MORC1: variants seen among roughly 807,000 people sequenced by gnomAD.
MORC1 encodes MORC family CW-type zinc finger 1.
A neutral mutation model predicts 134.9 loss-of-function variants in MORC1; 59 were observed. That is an observed-to-expected ratio of 0.44 (90% confidence interval 0.35 to 0.54). The LOEUF is 0.54. Ranked by LOEUF, MORC1 falls within the 20% of genes least tolerant of loss-of-function variation. MORC1 has a pLI of 0.00. For missense variants in MORC1, 947 were observed against 1,134.5 expected (o/e 0.83, Z 2.37); for synonymous variants, 395 against 391.7 (o/e 1.01, Z -0.10).
At chr3:109,076,354 T>C (rs773350024) in intron 8 of MORC1, among the ~76,000 whole-genome samples, 7 of 152,034 alleles carry the variant, frequency 4.6e-5, no homozygotes, top group Non-Finnish European at 8.8e-5. Flanking sequence ...TGGGGAGAAA[T>C]AGGAACACTT....
At chr3:108,982,071 C>A (rs72935337) in intron 23 of MORC1, among the ~76,000 whole-genome samples, 1,905 of 152,214 alleles carry the variant, frequency 0.013, 37 homozygotes, top group African/African-American at 0.042. Flanking sequence ...AAATAAACAA[C>A]CCCATCAAAA....
Position 108,963,470 on chromosome 3 carries a change from C to T in MORC1, c.2743G>A (p.Asp915Asn), listed in dbSNP as rs1173188517. 3 of 1,611,952 alleles carry T rather than the reference C, an allele frequency of 1.9e-6. No homozygotes were observed. The highest frequency in any genetic ancestry group is 2.5e-6 in the Non-Finnish European group (3 of 1,179,606). Residue 915 changes from aspartate (D) to asparagine (N), a missense_variant, in exon 27 of 28, where the codon GAT becomes AAT. Physicochemically the swap from Asp to Asn is conservative, Grantham distance 23. This residue lies in a region of MORC1 where 722 missense variants were observed against 817.0 expected (regional missense o/e 0.88). Transcript: ENST00000232603. The stretch of plus-strand genomic sequence containing the variant: ...TTTATACGAAGATTCTTCAGCTTAT[C>T]CTCAGAGATTTTTCTTTTATTTTCA... ...QCENKRKISE[D>N]KLKNLRIKLA... is the part of the protein sequence containing the mutation.
At chr3:108,983,892 C>T (rs756113924) in intron 23 of MORC1, among the ~76,000 whole-genome samples, 6 of 152,048 alleles carry the variant, frequency 3.9e-5, no homozygotes, top group Non-Finnish European at 5.9e-5. Context: ...AAGAGAACTA[C>T]TAGTAATTTA....
At chr3:108,986,563 C>T (rs1015893694) in intron 22 of MORC1, among the ~76,000 whole-genome samples, 1 of 152,006 alleles carries the variant, frequency 6.6e-6, no homozygotes, top group African/African-American at 2.4e-5. Flanking sequence ...AATTATTGAC[C>T]TGATATCAAT....
At position 109,000,820 on chromosome 3, in the gene MORC1, A is replaced by G. The variant is rs571176576; in HGVS notation, c.2086-162T>C. Among the ~76,000 whole-genome samples, 16 of 152,346 alleles carry G rather than the reference A, an allele frequency of 1.1e-4. No individual in the cohort carries two copies. In the South Asian group the frequency reaches 3.3e-3, roughly 32 times the overall value. On this transcript the variant is annotated intron_variant, in intron 20 of 27. Coordinates refer to ENST00000232603, the MANE Select transcript of MORC1 (RefSeq NM_014429.4). The stretch of plus-strand genomic sequence containing the variant: ...TCTTTGTGTATGATAAGCGCTTGAT[A>G]AGACTTAGAGCATATCTGCCTTCCT...
chr3:109,057,540 G>C (rs1342194362), intron 12 of MORC1, 54 bp from the exon 13 acceptor site: 2 of 1,437,818 alleles, frequency 1.4e-6, no homozygotes, highest in East Asian at 4.9e-5. Flanking sequence ...AACATACACA[G>C]TTTAGGAAAC....
chr3:108,983,755 C>A (rs1427398469), intron 23 of MORC1, among the ~76,000 whole-genome samples: 1 of 152,038 alleles, frequency 6.6e-6, no homozygotes, highest in African/African-American at 2.4e-5. Flanking sequence ...GTCAAGGAGA[C>A]CCTAAAGAAG....
At chr3:109,108,085 A>T (rs1028203751) in intron 3 of MORC1, among the ~76,000 whole-genome samples, 2 of 152,166 alleles carry the variant, frequency 1.3e-5, no homozygotes, top group Admixed American at 6.5e-5. Flanking sequence ...GCTACTGGAA[A>T]GGCAGAGGCA....
intron 4 of MORC1, 54 bp from the exon 5 acceptor site, chr3:109,100,561 T>G (rs1382657237): frequency 7.3e-7 from 1 of 1,362,192 alleles, no homozygotes; most frequent in African/African-American, 1.4e-5. Flanking sequence ...GACACTGGCC[T>G]GAGGCCCAGC....
chr3:109,113,530 G>A (rs1188269673), intron 2 of MORC1, among the ~76,000 whole-genome samples: 1 of 152,086 alleles, frequency 6.6e-6, no homozygotes, highest in Middle Eastern at 3.2e-3. Context: ...GGGAATTTAG[G>A]CTCCTACTGA....
chr3:109,040,489 GAAAGA>G (rs1423525992), intron 14 of MORC1, among the ~76,000 whole-genome samples: 3 of 80,808 alleles, frequency 3.7e-5, no homozygotes, highest in Non-Finnish European at 8.7e-5. Flanking sequence ...AGAAAGAAAG[GAAAGA>G]AAAGAAAGGA....
At position 109,069,632 on chromosome 3, in the gene MORC1, C is replaced by T. The variant is rs375090192; in HGVS notation, c.815G>A (p.Arg272Lys). Reference protein sequence around the residue: ...KHLCYCLYRPRKYLYVTSSFK... With the variant: ...KHLCYCLYRPKKYLYVTSSFK... Reference sequence around the variant, plus strand: ...AGATAACTGAAGAAAGATGAGTTACCTGGGTCTGTAGAGGCAATAGCAAAG... The same window carrying T: ...AGATAACTGAAGAAAGATGAGTTACTTGGGTCTGTAGAGGCAATAGCAAAG... The change falls in exon 9 of 28, where the codon AGA becomes AAA. Residue 272 changes from arginine (R) to lysine (K), a missense_variant and splice_region_variant. Arg to Lys is a conservative substitution (Grantham distance 26). Transcript: ENST00000232603. 122 of 1,572,626 alleles carry T rather than the reference C, an allele frequency of 7.8e-5. No individual in the cohort carries two copies. Among genetic ancestry groups the T allele is most frequent in the Non-Finnish European group, 1.0e-4 (119 of 1,155,900 alleles).
At chr3:109,015,965 ATAAT>A (rs1948808153) in intron 17 of MORC1, among the ~76,000 whole-genome samples, 1 of 152,192 alleles carries the variant, frequency 6.6e-6, no homozygotes, top group Admixed American at 6.5e-5. Flanking sequence ...TTGCATATAT[ATAAT>A]TAGTTATCTA....
chr3:109,118,120 C>T lies in MORC1; in HGVS notation c.-61G>A, dbSNP rs1951312056. 3.2e-6 allele frequency: 5 copies of T among 1,553,540 alleles called. No individual in the cohort carries two copies. Among genetic ancestry groups the T allele is most frequent in the Non-Finnish European group, 4.4e-6 (5 of 1,144,354 alleles). ...AGGACACCTGACCGGCAGCCGTTCG[C>T]CTGCGCCCGCGCCCACTCCCACGCC... On this transcript the variant is annotated 5_prime_UTR_variant, in exon 1 of 28. Transcript: ENST00000232603.
chr3:109,118,020 G>C lies in MORC1; in HGVS notation c.40C>G (p.Arg14Gly). Residue 14 changes from arginine (R) to glycine (G), a missense_variant, in exon 1 of 28, where the codon CGT (arginine) becomes GGT (glycine). By Grantham distance (125) the Arg-to-Gly change is moderately radical. This residue lies in a region of MORC1 where 214 missense variants were observed against 281.3 expected (regional missense o/e 0.76). Transcript: ENST00000232603. The part of the protein sequence containing the change: ...RYPALQRAQL[R>G]LDFIHANSTT... Reference sequence around the variant, plus strand: ...GAGTTGGCGTGGATGAAATCCAGACGCAGCTGGGCCCGCTGAAGCGCAGGG... The same window carrying C: ...GAGTTGGCGTGGATGAAATCCAGACCCAGCTGGGCCCGCTGAAGCGCAGGG... 1 of 1,609,122 alleles carries C rather than the reference G, an allele frequency of 6.2e-7. No individual in the cohort carries two copies.
chr3:109,062,743 G>A (rs904278827), intron 10 of MORC1, among the ~76,000 whole-genome samples: 4 of 151,928 alleles, frequency 2.6e-5, no homozygotes, highest in African/African-American at 9.7e-5. Context: ...TGACAAGCAG[G>A]GTTTCTTAGT....
At chr3:108,979,386 G>A in intron 24 of MORC1, 129 bp downstream of exon 24, 2 of 1,012,560 alleles carry the variant, frequency 2.0e-6, no homozygotes, top group Non-Finnish European at 2.9e-6. Flanking sequence ...ATAGTTAGGA[G>A]ACAAGTCATA....
At position 109,012,825 on chromosome 3, in the gene MORC1, C is replaced by T. The variant is rs531994282; in HGVS notation, c.1705-5734G>A. ...TTCTGTAAATATTATCTGTTTTCTA[C>T]ATAAACTATCAAATCTTGAAAGAAA... is the stretch of plus-strand genomic sequence containing the variant. On this transcript the variant is annotated intron_variant, in intron 17 of 27. Coordinates refer to ENST00000232603, the MANE Select transcript of MORC1 (RefSeq NM_014429.4). Among the ~76,000 whole-genome samples, 105 of 152,256 alleles carry T rather than the reference C, an allele frequency of 6.9e-4. 1 individual carries two copies. Among genetic ancestry groups the T allele is most frequent in the African/African-American group, 2.2e-3 (93 of 41,542 alleles).
chr3:109,015,953 A>G (rs889666632), intron 17 of MORC1, among the ~76,000 whole-genome samples: 3 of 152,150 alleles, frequency 2.0e-5, no homozygotes, highest in African/African-American at 7.2e-5. Flanking sequence ...ATTTTGGAAT[A>G]TTTGCATATA....
Sources: gnomAD v4.1 joint callset for allele counts (sites outside exome capture counted in the v4.1 genomes callset) on GRCh38, gnomAD v4.1.1 for gene constraint, gnomAD v4.1.1 regional missense constraint, MANE v1.5 for transcripts, NCBI Gene and HGNC (gene_info 2026-07-23, HGNC 2026-07-21) for gene names.